The following TRDMT1 variants were observed in gnomAD, a reference collection of about 807,000 sequenced individuals.
TRDMT1 encodes tRNA aspartic acid methyltransferase 1.
A neutral mutation model predicts 51.2 loss-of-function variants in TRDMT1; 49 were observed. The observed-to-expected ratio is 0.96, with a 90% CI of 0.76 to 1.21. The LOEUF is 1.21. Ranked by LOEUF, TRDMT1 falls within the 50% of genes most tolerant of loss-of-function variation. TRDMT1 has a pLI of 0.00. For missense variants in TRDMT1, 534 were observed against 462.3 expected (o/e 1.16, Z -1.42); for synonymous variants, 187 against 164.6 (o/e 1.14, Z -1.04).
At chr10:17,191,190 G>T (rs182319684) in intron 1 of TRDMT1, among the ~76,000 whole-genome samples, 95 of 152,290 alleles carry the variant, frequency 6.2e-4, no homozygotes, top group African/African-American at 2.2e-3. Flanking sequence ...TGGCCCCAGA[G>T]AGAAAGTGTC....
chr10:17,189,633 C>T (rs758620092), intron 1 of TRDMT1, among the ~76,000 whole-genome samples: 1 of 152,110 alleles, frequency 6.6e-6, no homozygotes, highest in Non-Finnish European at 1.5e-5. Flanking sequence ...TCTGAAGAAG[C>T]AGAGAAATTA....
rs940029600 is a variant in TRDMT1 at position 17,145,630 on chromosome 10, C to T, written c.*3410G>A. On this transcript the variant is annotated 3_prime_UTR_variant, in exon 11 of 11. Coordinates refer to ENST00000377799, the MANE Select transcript of TRDMT1 (RefSeq NM_004412.7). ...TTATGACAAGGTAACCTGTTCATAA[C>T]ATAAGCAATTCAGGAAAACCCACTT... 2 of 985,432 alleles carry T rather than the reference C, an allele frequency of 2.0e-6. No individual in the cohort carries two copies. Among genetic ancestry groups the T allele is most frequent in the Non-Finnish European group, 2.4e-6 (2 of 829,930 alleles). 61.0% of individuals were successfully genotyped at this position (985,432 alleles called of 1,614,324 possible).
chr10:17,172,402 A>C (rs1842143540), intron 2 of TRDMT1, among the ~76,000 whole-genome samples: 1 of 152,164 alleles, frequency 6.6e-6, no homozygotes, highest in Non-Finnish European at 1.5e-5. Flanking sequence ...TCATGCCTGT[A>C]ATCCCAGCAC....
chr10:17,185,080 A>T (rs1331156843), intron 1 of TRDMT1, among the ~76,000 whole-genome samples: 1 of 152,206 alleles, frequency 6.6e-6, no homozygotes, highest in African/African-American at 2.4e-5. Flanking sequence ...CCCGCACCAT[A>T]GAATTTTCTG....
chr10:17,193,179 C>T (rs1293611126), intron 1 of TRDMT1, among the ~76,000 whole-genome samples: 1 of 152,158 alleles, frequency 6.6e-6, no homozygotes, highest in Non-Finnish European at 1.5e-5. Context: ...GCCTGGCCAA[C>T]ATGGTGAAAC....
intron 3 of TRDMT1, among the ~76,000 whole-genome samples, chr10:17,166,183 A>G (rs912378186): frequency 6.6e-6 from 1 of 152,120 alleles, no homozygotes; most frequent in Non-Finnish European, 1.5e-5. Flanking sequence ...ATGGAATACT[A>G]TGCAGCCATA....
intron 1 of TRDMT1, among the ~76,000 whole-genome samples, chr10:17,181,309 T>C (rs1274628327): frequency 1.3e-5 from 2 of 152,158 alleles, no homozygotes; most frequent in African/African-American, 2.4e-5. Flanking sequence ...CCATGAAGGC[T>C]GATCCGTGCA....
chr10:17,157,709 C>T lies in TRDMT1; in HGVS notation c.619G>A (p.Glu207Lys), dbSNP rs1377349053. The T allele has an allele frequency of 1.9e-6, 3 of 1,611,784 alleles. No individual in the cohort carries two copies. Among genetic ancestry groups the T allele is most frequent in the Non-Finnish European group, 2.5e-6 (3 of 1,179,260 alleles). The change falls in exon 8 of 11, where the codon GAA (glutamate) becomes AAA (lysine). Residue 207 changes from glutamate (E) to lysine (K), a missense_variant. Glu to Lys is a moderately conservative substitution (Grantham distance 56). Coordinates refer to ENST00000377799, the MANE Select transcript of TRDMT1 (RefSeq NM_004412.7). ...CTAATATTTGGTTCAACGTTCTTTT[C>T]TTGAATTTTATTTTCTACATCCATT... ...YAMDVENKIQ[E>K]KNVEPNISFD...
At chr10:17,150,559 T>C (rs1259629792) in intron 10 of TRDMT1, 2 of 985,216 alleles carry the variant, frequency 2.0e-6, no homozygotes, top group Non-Finnish European at 2.4e-6. Context: ...ATAATGTTAG[T>C]TATAATGGCA....
At chr10:17,198,649 G>A (rs2131638230) in intron 1 of TRDMT1, among the ~76,000 whole-genome samples, 1 of 152,240 alleles carries the variant, frequency 6.6e-6, no homozygotes, top group South Asian at 2.1e-4. Context: ...GGGGGGAAAG[G>A]GAATTTGGAG....
intron 1 of TRDMT1, among the ~76,000 whole-genome samples, chr10:17,185,052 T>C (rs1232890128): frequency 6.6e-6 from 1 of 152,128 alleles, no homozygotes; most frequent in African/African-American, 2.4e-5. Context: ...CTTCACCTAT[T>C]AAGAGGATAA....
At chr10:17,169,957 C>T (rs1434022230) in intron 2 of TRDMT1, among the ~76,000 whole-genome samples, 6 of 152,168 alleles carry the variant, frequency 3.9e-5, no homozygotes, top group South Asian at 4.1e-4. Context: ...CCAGAACACA[C>T]GGGGCAGGGT....
rs780017541 is a variant in TRDMT1, at chr10:17,149,113, T to C, written c.1103A>G (p.Gln368Arg). ...ACTATTTCCAAGTAGGCGATAACGC[T>C]GTTTCACTGTTATCTTCTCAGGAAA... ...FGFPEKITVK[Q>R]RYRLLGNSLN... The change falls in exon 11 of 11, where the codon CAG becomes CGG. Residue 368 changes from glutamine (Q) to arginine (R), a missense_variant. Physicochemically the swap from Gln to Arg is conservative, Grantham distance 43. Coordinates refer to ENST00000377799, the MANE Select transcript of TRDMT1 (RefSeq NM_004412.7). 1 of 1,611,152 alleles carries C rather than the reference T, an allele frequency of 6.2e-7. No individual in the cohort carries two copies. The highest frequency in any genetic ancestry group is 1.7e-5 in the Admixed American group (1 of 59,754).
In TRDMT1 at chr10:17,139,339, GA is replaced by G. The variant is rs1169719503; in HGVS notation, c.*9700del. 4.7e-5 allele frequency: 18 copies of G among 380,060 alleles called. No individual in the cohort carries two copies. Among genetic ancestry groups the G allele is most frequent in the Middle Eastern group, 1.4e-3 (1 of 722 alleles). 23.5% of individuals were successfully genotyped at this position (380,060 alleles called of 1,614,324 possible). A position where few individuals can be genotyped will look rare whatever the true frequency, so the allele number is the denominator to read the frequency against. On this transcript the variant is annotated 3_prime_UTR_variant, in exon 11 of 11. Coordinates refer to ENST00000377799, the MANE Select transcript of TRDMT1 (RefSeq NM_004412.7). ...ATTGCACTCAGACTTCAGCATGAAT[GA>G]CAGAAGAAATGTAGGTGGTAAATAA...
Position 17,141,120 on chromosome 10 carries a change from C to T in TRDMT1, c.*7920G>A, listed in dbSNP as rs1837645519. ...CATCTACTGTCATCCAAATTGTGTC[C>T]CCCGCCCCATGGCAACGTGTCATTT... On this transcript the variant is annotated 3_prime_UTR_variant, in exon 11 of 11. Transcript: ENST00000377799. 6.6e-6 allele frequency among the ~76,000 whole-genome samples: 1 copy of T among 152,190 alleles called. No individual in the cohort carries two copies.
chr10:17,167,397 T>C (rs1352272913), intron 3 of TRDMT1, among the ~76,000 whole-genome samples: 1 of 152,154 alleles, frequency 6.6e-6, no homozygotes, highest in African/African-American at 2.4e-5. Flanking sequence ...AAGTTAACCT[T>C]TCTATGCCCC....
At chr10:17,187,381 G>A (rs1039959496) in intron 1 of TRDMT1, among the ~76,000 whole-genome samples, 15 of 151,958 alleles carry the variant, frequency 9.9e-5, no homozygotes, top group Admixed American at 3.3e-4. Context: ...GCATATTTAT[G>A]GTCACAGAGA....
At position 17,145,658 on chromosome 10, in the gene TRDMT1, A is replaced by G. The variant is rs1285548808; in HGVS notation, c.*3382T>C. ...AAGCAATTCAGGAAAACCCACTTTAATCTCTTTGTCTATGTGGGATTAAAA... is the reference window on the plus strand; with the variant it reads ...AAGCAATTCAGGAAAACCCACTTTAGTCTCTTTGTCTATGTGGGATTAAAA... On this transcript the variant is annotated 3_prime_UTR_variant, in exon 11 of 11. Coordinates refer to ENST00000377799, the MANE Select transcript of TRDMT1 (RefSeq NM_004412.7). 2.0e-6 allele frequency: 2 copies of G among 985,306 alleles called. No homozygotes were observed. Among genetic ancestry groups the G allele is most frequent in the Non-Finnish European group, 2.4e-6 (2 of 829,944 alleles). The allele number at this position is 985,306 out of a possible 1,614,324, so 61.0% of individuals were successfully genotyped here.
At position 17,144,426 on chromosome 10, in the gene TRDMT1, T is replaced by C. The variant is rs550948667; in HGVS notation, c.*4614A>G. The C allele has an allele frequency of 1.0e-5, 10 of 985,624 alleles. No individual in the cohort carries two copies. The African/African-American group carries it at 1.2e-4, about 12-fold the overall frequency. The allele number at this position is 985,624 out of a possible 1,614,324, so 61.1% of individuals were successfully genotyped here. A position where few individuals can be genotyped will look rare whatever the true frequency, so the allele number is the denominator to read the frequency against. ...TCTATGGGAGAACTCAGTTCCTATC[T>C]TGTAATTTTTGTGAAAATTTCCGGT... On this transcript the variant is annotated 3_prime_UTR_variant, in exon 11 of 11. Transcript: ENST00000377799.
Sources: gnomAD v4.1 joint callset for allele counts (sites outside exome capture counted in the v4.1 genomes callset) on GRCh38, gnomAD v4.1.1 for gene constraint, MANE v1.5 for transcripts, NCBI Gene and HGNC (gene_info 2026-07-23, HGNC 2026-07-21) for gene names.